The following ACAN variants were observed in gnomAD, a reference collection of about 807,000 sequenced individuals.
ACAN encodes aggrecan core protein.
Under a neutral mutation model 169.1 loss-of-function variants are expected in ACAN, and 47 were observed. The observed-to-expected ratio is 0.28, with a 90% CI of 0.22 to 0.35. The LOEUF (loss-of-function observed/expected upper bound fraction) is 0.35. ACAN is among the 10% of genes least tolerant of loss of function. The pLI, the probability that ACAN is intolerant of heterozygous loss-of-function variation, is 1.00. For synonymous variants in ACAN, 1,115 were observed against 1,112.2 expected (o/e 1.00, Z -0.05); for missense variants, 2,716 against 2,759.9 (o/e 0.98, Z 0.36).
Position 88,854,928 on chromosome 15 carries a change from C to A in ACAN, c.2343C>A (p.Pro781=). ...STEGPSATEV[P]SASEEPSPSE... ...AAGGCCCTTCTGCAACTGAAGTGCC[C>A]TCTGCCTCAGAGGAACCATCCCCCT... Residue 781 remains proline, a synonymous_variant, in exon 12 of 19, where the codon CCC becomes CCA. Coordinates refer to ENST00000560601, the MANE Select transcript of ACAN (RefSeq NM_001369268.1). 1 of 1,591,012 alleles carries A rather than the reference C, an allele frequency of 6.3e-7. No individual in the cohort carries two copies. The highest frequency in any genetic ancestry group is 2.3e-5 in the East Asian group (1 of 44,350).
chr15:88,871,938 C>G lies in ACAN; in HGVS notation c.7220-65C>G. 1 of 1,428,276 alleles carries G rather than the reference C, an allele frequency of 7.0e-7. No homozygotes were observed. The highest frequency in any genetic ancestry group is 9.9e-7 in the Non-Finnish European group (1 of 1,009,802). The allele number at this position is 1,428,276 out of a possible 1,614,324, so 88.5% of individuals were successfully genotyped here. On this transcript the variant is annotated intron_variant, in intron 15 of 18. Coordinates refer to ENST00000560601, the MANE Select transcript of ACAN (RefSeq NM_001369268.1). This position sits in a 1 kb window ranked among gnomAD's most constrained non-coding sequence, Gnocchi z 7.8. Reference sequence around the variant, plus strand: ...CCTCCATCCCCTCTGCCTCCGTGAGCTCAAGTTTCTCAGACACCCTCAGGG... The same window carrying G: ...CCTCCATCCCCTCTGCCTCCGTGAGGTCAAGTTTCTCAGACACCCTCAGGG...
In ACAN at chr15:88,874,293, G is replaced by T. The variant is rs2141646040; in HGVS notation, c.7631-112G>T. 1 of 1,165,502 alleles carries T rather than the reference G, an allele frequency of 8.6e-7. No homozygotes were observed. The highest frequency in any genetic ancestry group is 1.3e-6 in the Non-Finnish European group (1 of 799,518). The allele number at this position is 1,165,502 out of a possible 1,614,324, so 72.2% of individuals were successfully genotyped here. A position where few individuals can be genotyped will look rare whatever the true frequency, so the allele number is the denominator to read the frequency against. On this transcript the variant is annotated intron_variant, in intron 18 of 18. Coordinates refer to ENST00000560601, the MANE Select transcript of ACAN (RefSeq NM_001369268.1). The surrounding 1 kb of genome is among the most constrained non-coding windows in gnomAD (Gnocchi z 7.3). ...ATCAGGAAAGCCGATAAAGCCTCAG[G>T]CGCCTGAGTCCTGGTTTCCACAAGG...
Position 88,845,502 on chromosome 15 carries a change from T to C in ACAN, c.1052-3T>C, listed in dbSNP as rs1321908756. 5 of 1,597,142 alleles carry C rather than the reference T, an allele frequency of 3.1e-6. No individual in the cohort carries two copies. The highest frequency in any genetic ancestry group is 4.3e-6 in the Non-Finnish European group (5 of 1,168,640). On this transcript the variant is annotated splice_region_variant and splice_polypyrimidine_tract_variant and intron_variant, in intron 6 of 18. Coordinates refer to ENST00000560601, the MANE Select transcript of ACAN (RefSeq NM_001369268.1). ...CTAAAGCTTGTCTTTGCCCCTCCCC[T>C]AGGTGAAGACTTTGTGGACATCCCA...
chr15:88,857,370 C>T lies in ACAN; in HGVS notation c.4785C>T (p.Asp1595=). Residue 1595 remains aspartate, a synonymous_variant, in exon 12 of 19, where the codon GAC becomes GAT. Transcript: ENST00000560601. The part of the protein sequence containing the change: ...DLSGLPSGKE[D]LVGSASGDLD... ...GTGGGTTGCCTTCTGGAAAAGAAGA[C>T]TTGGTGGGGTCAGCTTCTGGAGACT... The T allele has an allele frequency of 6.2e-7, 1 of 1,613,908 alleles. No individual in the cohort carries two copies. The highest frequency in any genetic ancestry group is 1.1e-5 in the South Asian group (1 of 91,072).
chr15:88,854,291 C>T (rs1193317461), intron 11 of ACAN, among the ~76,000 whole-genome samples: 3 of 152,206 alleles, frequency 2.0e-5, no homozygotes, highest in Admixed American at 1.3e-4. Context: ...TGCCAGACTT[C>T]TTCCCAGAGT....
chr15:88,869,689 C>T lies in ACAN; in HGVS notation c.7060+1360C>T, dbSNP rs1897337827. ...GCAGGACCCTCACAGGGCTCTGTAC[C>T]CTGATGGGGCAGAGAGATGGTGACA... On this transcript the variant is annotated intron_variant, in intron 14 of 18. Transcript: ENST00000560601. This position sits in a 1 kb window ranked among gnomAD's most constrained non-coding sequence, Gnocchi z 4.2. Among the ~76,000 whole-genome samples, 1 of 152,140 alleles carries T rather than the reference C, an allele frequency of 6.6e-6. No homozygotes were observed. Among genetic ancestry groups the T allele is most frequent in the South Asian group, 2.1e-4 (1 of 4,828 alleles).
rs1312703452 is a variant in ACAN at position 88,849,512 on chromosome 15, G to A, written c.1807G>A (p.Ala603Thr). 6 of 1,607,482 alleles carry A rather than the reference G, an allele frequency of 3.7e-6. No individual in the cohort carries two copies. The highest frequency in any genetic ancestry group is 5.1e-6 in the Non-Finnish European group (6 of 1,176,860). The change falls in exon 10 of 19, where the codon GCT (alanine) becomes ACT (threonine). Residue 603 changes from alanine (A) to threonine (T), a missense_variant. Coordinates refer to ENST00000560601, the MANE Select transcript of ACAN (RefSeq NM_001369268.1). This position sits in a 1 kb window ranked among gnomAD's most constrained non-coding sequence, Gnocchi z 5.1. The stretch of plus-strand genomic sequence containing the variant: ...ACTGGAGTTCTGTGAATCTCACAAT[G>A]CTACGCTGGCCACCACGGGCCAGCT... ...EALEFCESHN[A>T]TLATTGQLYA...
chr15:88,812,899 G>T (rs1414901426), intron 1 of ACAN, among the ~76,000 whole-genome samples: 1 of 152,100 alleles, frequency 6.6e-6, no homozygotes, highest in Non-Finnish European at 1.5e-5. Flanking sequence ...CTGAGACAGG[G>T]ACCTTTTCTC....
intron 1 of ACAN, among the ~76,000 whole-genome samples, chr15:88,822,832 C>G (rs1896112444): frequency 6.6e-6 from 1 of 152,190 alleles, no homozygotes; most frequent in Admixed American, 6.5e-5. Context: ...ACAGATAACC[C>G]ATCTCCTTTC....
rs34936657 is a variant in ACAN, at chr15:88,841,502, AT to A, written c.630-237del. On this transcript the variant is annotated intron_variant, in intron 4 of 18. Transcript: ENST00000560601. ...ACTATCTTGCCTTTTATAGAAAAAAATATGTGAGCCCCTGATAGAGAAAGTG... is the reference window on the plus strand; with the variant it reads ...ACTATCTTGCCTTTTATAGAAAAAAAATGTGAGCCCCTGATAGAGAAAGTG... 0.49 allele frequency among the ~76,000 whole-genome samples: 74,294 copies of A among 151,796 alleles called. 19,255 individuals carry two copies. The highest frequency in any genetic ancestry group is 0.61 in the Non-Finnish European group (41,093 of 67,922).
At chr15:88,835,488 C>T (rs934896834) in intron 1 of ACAN, among the ~76,000 whole-genome samples, 1 of 152,084 alleles carries the variant, frequency 6.6e-6, no homozygotes, top group Non-Finnish European at 1.5e-5. Context: ...GCTGGCAAGT[C>T]CCAAGGTCTG....
chr15:88,846,309 G>C (rs1038023895), intron 7 of ACAN, among the ~76,000 whole-genome samples: 1 of 152,220 alleles, frequency 6.6e-6, no homozygotes, highest in Non-Finnish European at 1.5e-5. Flanking sequence ...ACAAAGGCCA[G>C]CAAACTGTGG....
At chr15:88,848,062 C>G in intron 9 of ACAN, 24 bp downstream of exon 9, 1 of 1,610,254 alleles carries the variant, frequency 6.2e-7, no homozygotes, top group East Asian at 2.2e-5. Flanking sequence ...TCTCACATTT[C>G]GGGCCCTAGA....
Position 88,840,060 on chromosome 15 carries a change from T to A in ACAN, c.503T>A (p.Phe168Tyr). Reference sequence around the variant, plus strand: ...ATCTCTACACGCTACACCCTCGACTTTGACAGGGCGCAGCGGGCCTGCCTG... The same window carrying A: ...ATCTCTACACGCTACACCCTCGACTATGACAGGGCGCAGCGGGCCTGCCTG... The part of the protein sequence containing the change: ...RAISTRYTLD[F>Y]DRAQRACLQN... The change falls in exon 4 of 19, where the codon TTT becomes TAT. Residue 168 changes from phenylalanine to tyrosine, a missense_variant. Phe to Tyr is a conservative substitution (Grantham distance 22). Around this residue, in one of 3 missense-constraint regions of ACAN, gnomAD observed 1,283 missense variants for 1,281.5 expected, o/e 1.00. Transcript: ENST00000560601. 6.2e-7 allele frequency: 1 copy of A among 1,603,634 alleles called. No individual in the cohort carries two copies. Among genetic ancestry groups the A allele is most frequent in the Non-Finnish European group, 8.5e-7 (1 of 1,174,830 alleles).
rs1381526700 is a variant in ACAN, at chr15:88,807,704, G to A, written c.-8+3895G>A. On this transcript the variant is annotated intron_variant, in intron 1 of 18. Coordinates refer to ENST00000560601, the MANE Select transcript of ACAN (RefSeq NM_001369268.1). This position sits in a 1 kb window ranked among gnomAD's most constrained non-coding sequence, Gnocchi z 4.0. ...AATCCAGGGCAAGAACGGAAACGGT[G>A]GAGTTTACTTTTAAAAACTCAGAGC... Among the ~76,000 whole-genome samples the A allele has an allele frequency of 6.6e-6, 1 of 151,308 alleles. No individual in the cohort carries two copies. Among genetic ancestry groups the A allele is most frequent in the Non-Finnish European group, 1.5e-5 (1 of 67,942 alleles).
rs752861429 is a variant in ACAN at position 88,857,309 on chromosome 15, G to A, written c.4724G>A (p.Gly1575Asp). 10 of 1,613,822 alleles carry A rather than the reference G, an allele frequency of 6.2e-6. No homozygotes were observed. The highest frequency in any genetic ancestry group is 8.5e-6 in the Non-Finnish European group (10 of 1,179,902). The change falls in exon 12 of 19, where the codon GGT (glycine) becomes GAT (aspartate). Residue 1575 changes from glycine (G) to aspartate (D), a missense_variant. This residue lies in a region of ACAN where 1,389 missense variants were observed against 1,363.7 expected (regional missense o/e 1.02). Transcript: ENST00000560601. The part of the protein sequence containing the change: ...DLSGLPSGRE[G>D]LETSASGAED... ...AGTGGGCTTCCTTCTGGAAGGGAGG[G>A]TCTAGAGACTTCAGCTTCTGGAGCT...
intron 1 of ACAN, among the ~76,000 whole-genome samples, chr15:88,832,822 C>T (rs538800248): frequency 1.3e-5 from 2 of 152,336 alleles, no homozygotes; most frequent in African/African-American, 4.8e-5. Context: ...CTGAGAGGCT[C>T]ACTCAGGCCT....
chr15:88,873,691 C>A lies in ACAN; in HGVS notation c.7448-151C>A, dbSNP rs534841034. On this transcript the variant is annotated intron_variant, in intron 17 of 18. Coordinates refer to ENST00000560601, the MANE Select transcript of ACAN (RefSeq NM_001369268.1). This position sits in a 1 kb window ranked among gnomAD's most constrained non-coding sequence, Gnocchi z 7.5. ...TGAGGAACCCAGATGTTACAGCCAG[C>A]GGCTTCCAGATTCTTAGCGCTGCAT... 2.7e-6 allele frequency: 2 copies of A among 753,260 alleles called. No homozygotes were observed. The highest frequency in any genetic ancestry group is 4.2e-6 in the Non-Finnish European group (2 of 473,968). The allele number at this position is 753,260 out of a possible 1,614,324, so 46.7% of individuals were successfully genotyped here.
At position 88,838,653 on chromosome 15, in the gene ACAN, T is replaced by C. The variant is rs1241939114; in HGVS notation, c.71-10T>C. 2.5e-6 allele frequency: 4 copies of C among 1,569,522 alleles called. No individual in the cohort carries two copies. Among genetic ancestry groups the C allele is most frequent in the Non-Finnish European group, 3.5e-6 (4 of 1,155,498 alleles). On this transcript the variant is annotated splice_polypyrimidine_tract_variant and intron_variant, in intron 2 of 18. Transcript: ENST00000560601. This position sits in a 1 kb window ranked among gnomAD's most constrained non-coding sequence, Gnocchi z 5.1. Reference sequence around the variant, plus strand: ...ACAGGTCTCTCTTCTACCCCACCTCTCCCACACAGACCATGACAACTCGCT... The same window carrying C: ...ACAGGTCTCTCTTCTACCCCACCTCCCCCACACAGACCATGACAACTCGCT...
Sources: allele counts gnomAD v4.1 joint callset (sites outside exome capture counted in the v4.1 genomes callset), GRCh38; gene constraint gnomAD v4.1.1; regional missense constraint gnomAD v4.1.1; non-coding constraint Gnocchi (gnomAD v3.1); transcripts MANE v1.5; gene names NCBI Gene and HGNC (gene_info 2026-07-23, HGNC 2026-07-21).